NEK4: variants seen among roughly 807,000 people sequenced by gnomAD.
The protein encoded by NEK4 is serine/threonine-protein kinase Nek4.
Under a neutral mutation model 98.4 loss-of-function variants are expected in NEK4, and 86 were observed. That is an observed-to-expected ratio of 0.87 (90% CI 0.73 to 1.05). The LOEUF (loss-of-function observed/expected upper bound fraction) is 1.05. Ranked by LOEUF, NEK4 falls within the 50% of genes least tolerant of loss-of-function variation. The probability of loss-of-function intolerance (pLI) is 0.00; values close to 1 mark genes in which losing one functional copy is unlikely to be tolerated. For synonymous variants in NEK4, 328 were observed against 342.2 expected, an observed-to-expected ratio of 0.96 and a Z score of 0.46; for missense variants, 898 against 950.3, an observed-to-expected ratio of 0.94 and a Z score of 0.72.
chr3:52,714,555 G>T (rs1486217237), intron 15 of NEK4, among the ~76,000 whole-genome samples: 3 of 152,208 alleles, frequency 2.0e-5, no homozygotes, highest in East Asian at 1.9e-4. Context: ...CTTCAGCTGT[G>T]GGGAGGGCAA....
intron 7 of NEK4, among the ~76,000 whole-genome samples, chr3:52,751,556 G>A (rs988541054): frequency 1.3e-5 from 2 of 151,986 alleles, no homozygotes; most frequent in Non-Finnish European, 2.9e-5. Context: ...AGGAGGCAGA[G>A]GTTGCAGTGA....
intron 15 of NEK4, among the ~76,000 whole-genome samples, chr3:52,715,048 T>C (rs905617268): frequency 1.3e-5 from 2 of 152,194 alleles, no homozygotes; most frequent in African/African-American, 4.8e-5. Context: ...GCAGACAGGC[T>C]ACTGGGCAGA....
In NEK4 at chr3:52,770,821, G is replaced by C. The variant is rs1048285669; in HGVS notation, c.-75C>G. 3 of 1,336,776 alleles carry C rather than the reference G, an allele frequency of 2.2e-6. No homozygotes were observed. Among genetic ancestry groups the C allele is most frequent in the Admixed American group, 4.0e-5 (2 of 50,582 alleles). The allele number at this position is 1,336,776 out of a possible 1,614,324, so 82.8% of individuals were successfully genotyped here. ...GCAGCGGGCGGCAACAAGAAGCTCG[G>C]TTCATGCCCGAGAGGGGGCAGTGGG... On this transcript the variant is annotated 5_prime_UTR_variant, in exon 1 of 16. Transcript: ENST00000233027.
intron 15 of NEK4, among the ~76,000 whole-genome samples, chr3:52,713,262 C>T (rs530152137): frequency 6.6e-6 from 1 of 152,184 alleles, no homozygotes; most frequent in South Asian, 2.1e-4. Flanking sequence ...GTATTCCTGC[C>T]AAAAATGTAT....
intron 7 of NEK4, among the ~76,000 whole-genome samples, chr3:52,751,455 CAA>C (rs11426928): frequency 1.0e-4 from 13 of 125,580 alleles, no homozygotes; most frequent in Non-Finnish European, 1.0e-4. Context: ...GACTCTGTCT[CAA>C]AAAAAAAAAA....
At chr3:52,722,015 CT>C (rs1447073036) in intron 15 of NEK4, among the ~76,000 whole-genome samples, 4 of 152,156 alleles carry the variant, frequency 2.6e-5, no homozygotes, top group African/African-American at 9.7e-5. Context: ...ACTTCTGTTC[CT>C]CTTTGCTCGC....
At chr3:52,752,933 T>TATATATATATACACACACACACACAC (rs148965312) in intron 6 of NEK4, among the ~76,000 whole-genome samples, 2 of 75,588 alleles carry the variant, frequency 2.6e-5, no homozygotes, top group African/African-American at 5.4e-5. Flanking sequence ...TATATATATA[T>TATATATATATACACACACACACACAC]ACACACACAC....
chr3:52,720,293 C>T (rs2097358930), intron 15 of NEK4, among the ~76,000 whole-genome samples: 1 of 151,842 alleles, frequency 6.6e-6, no homozygotes, highest in African/African-American at 2.4e-5. Context: ...CACCACTGCA[C>T]TCCAGCCTGG....
intron 6 of NEK4, among the ~76,000 whole-genome samples, chr3:52,757,221 T>G (rs1299911686): frequency 6.6e-6 from 1 of 152,192 alleles, no homozygotes; most frequent in African/African-American, 2.4e-5. Flanking sequence ...AATTACCATG[T>G]AGTCAGCAGT....
chr3:52,730,630 G>A (rs2097368706), intron 15 of NEK4, among the ~76,000 whole-genome samples: 1 of 152,178 alleles, frequency 6.6e-6, no homozygotes, highest in African/African-American at 2.4e-5. Context: ...GTTGAGTCTT[G>A]ATGTCAGAGT....
At chr3:52,732,911 C>A in intron 15 of NEK4, 1 of 230,686 alleles carries the variant, frequency 4.3e-6, no homozygotes, top group South Asian at 8.0e-5. Flanking sequence ...AACCTTCAGT[C>A]ACATCTGCCT....
chr3:52,770,600 C>T, intron 1 of NEK4, 54 bp downstream of exon 1: 1 of 1,421,890 alleles, frequency 7.0e-7, no homozygotes, highest in South Asian at 1.2e-5. Flanking sequence ...CGGTCGGCGC[C>T]CTCGGCGCAC....
chr3:52,743,784 C>T (rs921223427), intron 11 of NEK4, among the ~76,000 whole-genome samples: 2 of 152,150 alleles, frequency 1.3e-5, no homozygotes, highest in African/African-American at 4.8e-5. Flanking sequence ...ATGCCTAAGA[C>T]ATGGTCAGCA....
At chr3:52,769,689 A>G (rs1698707641) in intron 1 of NEK4, among the ~76,000 whole-genome samples, 2 of 152,222 alleles carry the variant, frequency 1.3e-5, no homozygotes, top group Non-Finnish European at 2.9e-5. Flanking sequence ...TTTAGGGGGA[A>G]CATCTCTTCT....
chr3:52,753,857 G>A, intron 6 of NEK4: 1 of 385,286 alleles, frequency 2.6e-6, no homozygotes, highest in East Asian at 6.8e-5. Flanking sequence ...AATATTCATA[G>A]GGCACAGACT....
intron 6 of NEK4, among the ~76,000 whole-genome samples, chr3:52,753,010 G>A (rs555695385): frequency 4.1e-5 from 6 of 147,528 alleles, no homozygotes; most frequent in East Asian, 2.0e-4. Context: ...GCTAAAACAC[G>A]AATGAACCCT....
rs1416782075 is a variant in NEK4 at position 52,743,417 on chromosome 3, T to C, written c.1939A>G (p.Lys647Glu). 1 of 1,614,062 alleles carries C rather than the reference T, an allele frequency of 6.2e-7. No homozygotes were observed. The highest frequency in any genetic ancestry group is 8.5e-7 in the Non-Finnish European group (1 of 1,180,044). ...AAGGGCTGGTCTTCTTCCTGGGGTTTTCCTGGCCCTGCTACACTCAGAGAC... is the reference window on the plus strand; with the variant it reads ...AAGGGCTGGTCTTCTTCCTGGGGTTCTCCTGGCCCTGCTACACTCAGAGAC... Reference protein sequence around the residue: ...KASLSVAGPGKPQEEDQPLPA... With the variant: ...KASLSVAGPGEPQEEDQPLPA... Residue 647 changes from lysine to glutamate, a missense_variant, in exon 12 of 16, where the codon AAA becomes GAA. Physicochemically the swap from Lys to Glu is moderately conservative, Grantham distance 56 (BLOSUM62 1). Transcript: ENST00000233027.
chr3:52,745,293 TG>T (rs1338071170), intron 10 of NEK4, among the ~76,000 whole-genome samples: 2 of 151,886 alleles, frequency 1.3e-5, no homozygotes, highest in African/African-American at 4.8e-5. Flanking sequence ...TCAAAGATTC[TG>T]CTGAGGCCGG....
In NEK4 at chr3:52,709,002, A is replaced by G. The variant is rs1330295512; in HGVS notation, c.*2775T>C. On this transcript the variant is annotated 3_prime_UTR_variant, in exon 16 of 16. Coordinates refer to ENST00000233027, the MANE Select transcript of NEK4 (RefSeq NM_003157.6). Reference sequence around the variant, plus strand: ...GGAGTTCAAGACCAGCCTGGCCAACATGGTGAAACTCCATCTCTACTAAAA... The same window carrying G: ...GGAGTTCAAGACCAGCCTGGCCAACGTGGTGAAACTCCATCTCTACTAAAA... 6.6e-6 allele frequency: 1 copy of G among 152,116 alleles called. No individual in the cohort carries two copies. The highest frequency in any genetic ancestry group is 1.5e-5 in the Non-Finnish European group (1 of 68,056). 9.4% of individuals were successfully genotyped at this position (152,116 alleles called of 1,614,324 possible). A position where few individuals can be genotyped will look rare whatever the true frequency, so the allele number is the denominator to read the frequency against.
Sources: gnomAD v4.1 joint callset for allele counts (sites outside exome capture counted in the v4.1 genomes callset) on GRCh38, gnomAD v4.1.1 for gene constraint, MANE v1.5 for transcripts, NCBI Gene and HGNC (gene_info 2026-07-23, HGNC 2026-07-21) for gene names.